DDX4: variants seen among roughly 807,000 people sequenced by gnomAD.
DDX4 encodes the protein probable ATP-dependent RNA helicase DDX4.
In DDX4, 25 loss-of-function variants were observed where a neutral mutation model predicts 100.0. The observed-to-expected ratio is 0.25, with a 90% CI of 0.18 to 0.35. The LOEUF (loss-of-function observed/expected upper bound fraction) is 0.35, where lower values mean the gene tolerates loss of function less well. DDX4 is among the 10% of genes least tolerant of loss of function. DDX4 has a pLI of 1.00. For synonymous variants in DDX4, 259 were observed against 275.7 expected (o/e 0.94, Z 0.60); for missense variants, 635 against 882.4 (o/e 0.72, Z 3.55).
chr5:55,787,615 A>C (rs1209739909), intron 14 of DDX4, among the ~76,000 whole-genome samples: 1 of 152,206 alleles, frequency 6.6e-6, no homozygotes, highest in African/African-American at 2.4e-5. Flanking sequence ...AAATACACTG[A>C]AAAACTTTGA....
chr5:55,802,116 G>A (rs182901538), intron 18 of DDX4, among the ~76,000 whole-genome samples: 9 of 152,270 alleles, frequency 5.9e-5, no homozygotes, highest in Admixed American at 4.6e-4. Context: ...TTTCAAATAC[G>A]AAATCCAGGT....
intron 8 of DDX4, 108 bp from the exon 9 acceptor site, chr5:55,780,958 C>G (rs1741876916): frequency 1.2e-6 from 1 of 864,354 alleles, no homozygotes; most frequent in Non-Finnish European, 1.8e-6. Flanking sequence ...CTATTTTACC[C>G]TGCATCTTTT....
At chr5:55,763,123 T>C (rs929990328) in intron 4 of DDX4, 52 bp from the exon 5 acceptor site, 1 of 1,192,802 alleles carries the variant, frequency 8.4e-7, no homozygotes, top group Admixed American at 1.7e-5. Flanking sequence ...TTTTTGATGA[T>C]GACACACTTA....
At chr5:55,740,197 T>G (rs1758898445) in intron 2 of DDX4, among the ~76,000 whole-genome samples, 1 of 152,244 alleles carries the variant, frequency 6.6e-6, no homozygotes, top group Admixed American at 6.5e-5. Context: ...TGATACAGTG[T>G]CTTGCTCTGT....
At chr5:55,749,535 C>G (rs1163961685) in intron 3 of DDX4, among the ~76,000 whole-genome samples, 4 of 152,136 alleles carry the variant, frequency 2.6e-5, no homozygotes, top group African/African-American at 9.7e-5. Flanking sequence ...CTGATGGGCT[C>G]TACCGTCAAG....
At chr5:55,750,768 T>C (rs912818828) in intron 3 of DDX4, among the ~76,000 whole-genome samples, 1 of 152,244 alleles carries the variant, frequency 6.6e-6, no homozygotes, top group African/African-American at 2.4e-5. Context: ...TTTTGATGTG[T>C]ATTTTTAACT....
At chr5:55,800,526 G>A (rs756936815) in intron 18 of DDX4, among the ~76,000 whole-genome samples, 41 of 151,962 alleles carry the variant, frequency 2.7e-4, no homozygotes, top group South Asian at 6.2e-4. Flanking sequence ...GGGTTTCACC[G>A]TGTTAGCCAG....
chr5:55,755,404 A>G (rs918673190), intron 3 of DDX4, among the ~76,000 whole-genome samples: 1 of 152,156 alleles, frequency 6.6e-6, no homozygotes, highest in Non-Finnish European at 1.5e-5. Flanking sequence ...GCTTTTTAGA[A>G]TTACTGATTT....
chr5:55,803,567 T>C (rs1248108107), intron 18 of DDX4, among the ~76,000 whole-genome samples: 6 of 144,940 alleles, frequency 4.1e-5, no homozygotes, highest in African/African-American at 1.0e-4. Context: ...TGAGTGAGAA[T>C]ATGCGGTGTT....
At chr5:55,767,098 GA>G in intron 6 of DDX4, 1 of 1,269,074 alleles carries the variant, frequency 7.9e-7, no homozygotes, top group South Asian at 1.8e-5. Context: ...ATGAATGGGG[GA>G]AAGTTTGCAT....
intron 6 of DDX4, among the ~76,000 whole-genome samples, chr5:55,764,796 G>A (rs528605338): frequency 2.6e-4 from 39 of 152,284 alleles, no homozygotes; most frequent in African/African-American, 6.7e-4. Flanking sequence ...TCCATAGAAT[G>A]GAAGGTATTC....
At chr5:55,809,837 C>T (rs755076153) in intron 18 of DDX4, among the ~76,000 whole-genome samples, 12 of 152,160 alleles carry the variant, frequency 7.9e-5, no homozygotes, top group Non-Finnish European at 1.8e-4. Context: ...AGGTTAGAGA[C>T]GTTTTAAAAA....
At chr5:55,785,109 T>C (rs922161527) in intron 10 of DDX4, among the ~76,000 whole-genome samples, 188 bp from the exon 11 acceptor site, 7 of 152,230 alleles carry the variant, frequency 4.6e-5, no homozygotes, top group African/African-American at 1.7e-4. Flanking sequence ...TAGTCTCCTC[T>C]ACGTAAAATC....
chr5:55,796,819 C>CTTTCT (rs1742976588), intron 17 of DDX4, among the ~76,000 whole-genome samples: 6 of 63,454 alleles, frequency 9.5e-5, no homozygotes, highest in Non-Finnish European at 2.2e-4. Flanking sequence ...TTTTTTCTTT[C>CTTTCT]TTTCTTTTTT....
intron 4 of DDX4, 68 bp downstream of exon 4, chr5:55,760,345 G>A (rs1055694792): frequency 2.8e-6 from 4 of 1,450,072 alleles, no homozygotes; most frequent in Non-Finnish European, 2.7e-6. Flanking sequence ...GGCTTTCATG[G>A]CCATTTGGTA....
intron 7 of DDX4, 106 bp downstream of exon 7, chr5:55,768,046 G>T: frequency 9.7e-7 from 1 of 1,033,956 alleles, no homozygotes; most frequent in Non-Finnish European, 1.5e-6. Context: ...GAAAACCTTT[G>T]AAGAAAAATA....
intron 18 of DDX4, among the ~76,000 whole-genome samples, chr5:55,806,637 G>A (rs1262857090): frequency 6.6e-6 from 1 of 152,208 alleles, no homozygotes; most frequent in Non-Finnish European, 1.5e-5. Context: ...GAGTGGTTTT[G>A]AGTGAGTTTC....
At position 55,815,318 on chromosome 5, in the gene DDX4, A is replaced by G. The variant is rs1744333431; in HGVS notation, c.1992A>G (p.Gln664=). Residue 664 remains glutamine (Q), a synonymous_variant, in exon 21 of 22, where the codon CAA becomes CAG. Transcript: ENST00000505374. ...GAAGTCAATTTTTTTTAAAGGCTCA[A>G]CAGGATGTTCCTGCATGGTTGGAAG... ...QPLVKVLTDA[Q]QDVPAWLEEI... is the part of the protein sequence containing the mutation. The G allele has an allele frequency of 2.5e-6, 4 of 1,610,222 alleles. No homozygotes were observed. The highest frequency in any genetic ancestry group is 3.4e-6 in the Non-Finnish European group (4 of 1,179,108).
chr5:55,785,299 G>A lies in DDX4; in HGVS notation c.628G>A (p.Gly210Ser), dbSNP rs1742176529. ...SRSGSGSERGGYKGLNEEVIT... is the reference protein window; with the variant it reads ...SRSGSGSERGSYKGLNEEVIT... The stretch of plus-strand genomic sequence containing the variant: ...TCACTTATGAATTTCTTTAATAGGT[G>A]GTTACAAAGGTTTAAATGAAGAAGT... The change falls in exon 11 of 22, where the codon GGT (glycine) becomes AGT (serine). Residue 210 changes from glycine to serine, a missense_variant and splice_region_variant. Coordinates refer to ENST00000505374, the MANE Select transcript of DDX4 (RefSeq NM_024415.3). The A allele has an allele frequency of 2.5e-6, 4 of 1,592,210 alleles. No homozygotes were observed. Among genetic ancestry groups the A allele is most frequent in the Non-Finnish European group, 1.7e-6 (2 of 1,161,240 alleles).
Sources: gnomAD v4.1 joint callset for allele counts (sites outside exome capture counted in the v4.1 genomes callset) on GRCh38, gnomAD v4.1.1 for gene constraint, MANE v1.5 for transcripts, NCBI Gene and HGNC (gene_info 2026-07-23, HGNC 2026-07-21) for gene names.